Variants in MYRFL observed in about 807,000 individuals in gnomAD.
MYRFL encodes myelin regulatory factor like.
MYRFL carries 88 observed loss-of-function variants against 109.4 expected under a neutral mutation model. The observed-to-expected ratio is 0.80, with a 90% CI of 0.68 to 0.96. The LOEUF (loss-of-function observed/expected upper bound fraction) is 0.96. MYRFL is among the 40% of genes least tolerant of loss of function. The pLI is 0.00. For missense variants in MYRFL, 957 were observed against 954.9 expected, an observed-to-expected ratio of 1.00 and a Z score of -0.03; for synonymous variants, 324 against 320.9, an observed-to-expected ratio of 1.01 and a Z score of -0.10.
chr12:69,927,079 G>A (rs901573420), intron 14 of MYRFL, among the ~76,000 whole-genome samples: 1 of 151,342 alleles, frequency 6.6e-6, no homozygotes, highest in African/African-American at 2.4e-5. Context: ...CGAGTAGCTG[G>A]GATTACAGGT....
Position 69,927,117 on chromosome 12 carries a change from G to A in MYRFL, c.1766+383G>A, listed in dbSNP as rs112820983. Among the ~76,000 whole-genome samples, 655 of 151,450 alleles carry A rather than the reference G, an allele frequency of 4.3e-3. 6 individuals are homozygous for A. The highest frequency in any genetic ancestry group is 0.015 in the African/African-American group (607 of 41,330). On this transcript the variant is annotated intron_variant, in intron 14 of 24. Transcript: ENST00000552032. ...CCGCCACCATGCCCGGCTAATTTTT[G>A]TATTTTTAGTAGAGACAGGGTTTGA...
intron 13 of MYRFL, among the ~76,000 whole-genome samples, chr12:69,920,278 A>G (rs919270503): frequency 1.3e-5 from 2 of 152,138 alleles, no homozygotes; most frequent in Non-Finnish European, 2.9e-5. Context: ...TCACATTTCC[A>G]TGGACATTTC....
intron 15 of MYRFL, among the ~76,000 whole-genome samples, chr12:69,928,264 A>C: frequency 6.6e-6 from 1 of 152,350 alleles, no homozygotes; most frequent in Middle Eastern, 3.4e-3. Flanking sequence ...GATAGTATTT[A>C]TAGTTAAAGC....
At chr12:69,849,332 A>G (rs907482219) in intron 1 of MYRFL, among the ~76,000 whole-genome samples, 5 of 152,362 alleles carry the variant, frequency 3.3e-5, no homozygotes, top group Admixed American at 6.5e-5. Flanking sequence ...TATGAATTCT[A>G]GTATTGAGTC....
At chr12:69,937,869 A>C (rs1955517981) in intron 19 of MYRFL, among the ~76,000 whole-genome samples, 1 of 152,186 alleles carries the variant, frequency 6.6e-6, no homozygotes, top group South Asian at 2.1e-4. Flanking sequence ...CATCATCATG[A>C]TTATCATGTT....
intron 17 of MYRFL, 34 bp from the exon 18 acceptor site, chr12:69,936,249 C>T (rs1252210833): frequency 3.3e-6 from 5 of 1,535,604 alleles, no homozygotes; most frequent in Admixed American, 2.0e-5. Context: ...TTTTGCAGCC[C>T]TCTTTCATTA....
intron 1 of MYRFL, among the ~76,000 whole-genome samples, chr12:69,830,993 A>G (rs1436279352): frequency 1.3e-5 from 2 of 152,182 alleles, no homozygotes; most frequent in African/African-American, 2.4e-5. Context: ...CATTCAATAC[A>G]TGGACAATTG....
chr12:69,844,108 A>G lies in MYRFL; in HGVS notation c.47-11172A>G, dbSNP rs531796399. 2.3e-4 allele frequency among the ~76,000 whole-genome samples: 35 copies of G among 152,362 alleles called. No individual in the cohort carries two copies. The South Asian group carries it at 6.6e-3, about 29-fold the overall frequency. The stretch of plus-strand genomic sequence containing the variant: ...TGTAAAACCTCCTGAAAACAATTTT[A>G]TCTGACACTGTGGATTTATCTTTTT... On this transcript the variant is annotated intron_variant, in intron 1 of 24. Transcript: ENST00000552032.
At chr12:69,923,131 G>A (rs539754577) in intron 13 of MYRFL, among the ~76,000 whole-genome samples, 44 of 152,274 alleles carry the variant, frequency 2.9e-4, no homozygotes, top group African/African-American at 1.0e-3. Flanking sequence ...GTTCTATCAT[G>A]GTAATTAGCC....
chr12:69,836,761 T>G (rs1592680470), intron 1 of MYRFL, among the ~76,000 whole-genome samples: 1 of 152,200 alleles, frequency 6.6e-6, no homozygotes, highest in South Asian at 2.1e-4. Context: ...CAGGTTTCTG[T>G]GTGAGAATCT....
chr12:69,888,521 A>G (rs1465355366), intron 6 of MYRFL, among the ~76,000 whole-genome samples: 1 of 152,214 alleles, frequency 6.6e-6, no homozygotes, highest in African/African-American at 2.4e-5. Flanking sequence ...TTGACTTTAT[A>G]CTTAACTTTT....
intron 2 of MYRFL, among the ~76,000 whole-genome samples, chr12:69,859,527 G>T (rs1424752419): frequency 6.6e-6 from 1 of 152,202 alleles, no homozygotes; most frequent in African/African-American, 2.4e-5. Context: ...GAATTGAAAA[G>T]TTATGTGGTT....
chr12:69,899,779 A>G (rs1365376316), intron 10 of MYRFL, among the ~76,000 whole-genome samples: 1 of 152,174 alleles, frequency 6.6e-6, no homozygotes, highest in Non-Finnish European at 1.5e-5. Context: ...GGCAGGACCC[A>G]GTAATTATTC....
At position 69,880,702 on chromosome 12, in the gene MYRFL, A is replaced by G. The variant is rs188763135; in HGVS notation, c.556+410A>G. 8.7e-3 allele frequency among the ~76,000 whole-genome samples: 1,331 copies of G among 152,276 alleles called. 11 individuals are homozygous for G. The highest frequency in any genetic ancestry group is 0.011 in the Non-Finnish European group (753 of 68,022). On this transcript the variant is annotated intron_variant, in intron 5 of 24. Transcript: ENST00000552032. ...GGATCTTGGTAAAATGCAGACTCTG[A>G]TTCAGTCTCTAGGGTCTGAGTTCTG... is the stretch of plus-strand genomic sequence containing the variant.
At chr12:69,862,312 G>A (rs1365223638) in intron 2 of MYRFL, among the ~76,000 whole-genome samples, 1 of 150,718 alleles carries the variant, frequency 6.6e-6, no homozygotes, top group African/African-American at 2.4e-5. Context: ...TGATGGGGAT[G>A]GCATTGAATC....
At chr12:69,846,039 C>T (rs1022939921) in intron 1 of MYRFL, among the ~76,000 whole-genome samples, 1 of 149,500 alleles carries the variant, frequency 6.7e-6, no homozygotes, top group Non-Finnish European at 1.5e-5. Context: ...CTGCATTCAG[C>T]ACAAATAAAC....
At chr12:69,885,115 TA>T (rs796355069) in intron 5 of MYRFL, among the ~76,000 whole-genome samples, 1 of 151,440 alleles carries the variant, frequency 6.6e-6, no homozygotes, top group African/African-American at 2.4e-5. Context: ...TTCTTTTTTT[TA>T]AAAAAAAATA....
At chr12:69,843,612 G>A (rs902578833) in intron 1 of MYRFL, among the ~76,000 whole-genome samples, 8 of 152,228 alleles carry the variant, frequency 5.3e-5, no homozygotes, top group African/African-American at 1.7e-4. Context: ...ATAGGCATAT[G>A]TAGATTTTTT....
At position 69,909,969 on chromosome 12, in the gene MYRFL, GT is replaced by G; in HGVS notation, c.1386del (p.Asp463ThrfsTer6). ...DSRAKQNIQE[V>X]DTNEQLKRIA... Reference sequence around the variant, plus strand: ...ATCTGCTCTTCTTTAATTAAATTAGGTTGACACGAATGAACAGCTGAAAAGA... The same window carrying G: ...ATCTGCTCTTCTTTAATTAAATTAGGTGACACGAATGAACAGCTGAAAAGA... On this transcript the variant is annotated frameshift_variant and splice_region_variant, in exon 12 of 25. Transcript: ENST00000552032. LOFTEE classifies it high-confidence loss of function. 2 of 1,522,092 alleles carry G rather than the reference GT, an allele frequency of 1.3e-6. No homozygotes were observed. Among genetic ancestry groups the G allele is most frequent in the Non-Finnish European group, 1.8e-6 (2 of 1,142,218 alleles). 94.3% of individuals were successfully genotyped at this position (1,522,092 alleles called of 1,614,324 possible).
Sources: allele counts gnomAD v4.1 joint callset (sites outside exome capture counted in the v4.1 genomes callset), GRCh38; gene constraint gnomAD v4.1.1; transcripts MANE v1.5; gene names NCBI Gene and HGNC (gene_info 2026-07-23, HGNC 2026-07-21).